Variants in TAFA2 observed in about 807,000 individuals in gnomAD.
TAFA2 encodes chemokine-like protein TAFA-2.
TAFA2 carries 7 observed loss-of-function variants against 18.8 expected under a neutral mutation model. The ratio of observed to expected loss-of-function variants is 0.37; its 90% CI spans 0.21 to 0.70. TAFA2 has a LOEUF of 0.70. Among genes scored for constraint, TAFA2 ranks in the 30% least tolerant of loss-of-function variants. The pLI, the probability that TAFA2 is intolerant of heterozygous loss-of-function variation, is 0.53. For synonymous variants in TAFA2, 60 were observed against 54.2 expected (o/e 1.11, Z -0.47); for missense variants, 122 against 158.1 (o/e 0.77, Z 1.23).
At chr12:61,970,557 A>G (rs1879212586) in intron 1 of TAFA2, among the ~76,000 whole-genome samples, 1 of 151,620 alleles carries the variant, frequency 6.6e-6, no homozygotes, top group Non-Finnish European at 1.5e-5. Context: ...TAAAAATTAA[A>G]TTGCACATCA....
chr12:62,224,053 GAATA>G (rs1490306759), intron 1 of TAFA2, among the ~76,000 whole-genome samples: 4 of 148,004 alleles, frequency 2.7e-5, no homozygotes, highest in African/African-American at 1.0e-4. Context: ...ATGGATGAAT[GAATA>G]AACAAAATGT....
intron 1 of TAFA2, among the ~76,000 whole-genome samples, chr12:62,200,563 T>C (rs1369254692): frequency 6.6e-6 from 1 of 152,202 alleles, no homozygotes; most frequent in Admixed American, 6.5e-5. Context: ...CAGATGGTTG[T>C]AGATATGCAA....
chr12:62,171,112 T>C (rs2062475136), intron 1 of TAFA2, among the ~76,000 whole-genome samples: 1 of 152,174 alleles, frequency 6.6e-6, no homozygotes, highest in South Asian at 2.1e-4. Context: ...GGTGTCACAA[T>C]TATACCCTTG....
intron 1 of TAFA2, among the ~76,000 whole-genome samples, chr12:62,005,297 T>C (rs1218902139): frequency 1.3e-5 from 2 of 152,084 alleles, no homozygotes; most frequent in African/African-American, 2.4e-5. Flanking sequence ...ATATACCATA[T>C]ATATACACAA....
intron 1 of TAFA2, among the ~76,000 whole-genome samples, chr12:61,998,534 C>G (rs1293922841): frequency 6.6e-6 from 1 of 152,082 alleles, no homozygotes; most frequent in Non-Finnish European, 1.5e-5. Flanking sequence ...TATATAAAAG[C>G]ATTTAATAGT....
intron 4 of TAFA2, chr12:61,720,961 AACAGATTATT>A: frequency 1.9e-6 from 1 of 516,776 alleles, no homozygotes; most frequent in Non-Finnish European, 3.9e-6. Flanking sequence ...TCCACTGTTT[AACAGATTATT>A]ACAGAAAGCA....
At position 62,237,122 on chromosome 12, in the gene TAFA2, G is replaced by C. The variant is rs532824137; in HGVS notation, c.-130+21641C>G. 1.5e-3 allele frequency among the ~76,000 whole-genome samples: 223 copies of C among 152,238 alleles called. 2 individuals are homozygous for C. Among genetic ancestry groups the C allele is most frequent in the African/African-American group, 5.1e-3 (212 of 41,534 alleles). On this transcript the variant is annotated intron_variant, in intron 1 of 5. Coordinates refer to the TAFA2 transcript ENST00000551619. ...TTGAGTTTATTTTCTATATCTTGCA[G>C]GCATTCTGTGTTCCTTTTTATTCTT...
At chr12:62,029,600 C>A (rs1353419580) in intron 1 of TAFA2, among the ~76,000 whole-genome samples, 1 of 89,956 alleles carries the variant, frequency 1.1e-5, no homozygotes, top group Non-Finnish European at 2.3e-5. Flanking sequence ...ACATTATAAA[C>A]AATTACTTTT....
chr12:61,949,732 A>C (rs898833075), intron 1 of TAFA2, among the ~76,000 whole-genome samples: 3 of 152,066 alleles, frequency 2.0e-5, no homozygotes. Context: ...CTCCTGGATA[A>C]TTTTTTTAAT....
At chr12:61,943,631 A>C (rs564765539) in intron 1 of TAFA2, among the ~76,000 whole-genome samples, 1 of 152,008 alleles carries the variant, frequency 6.6e-6, no homozygotes, top group Non-Finnish European at 1.5e-5. Flanking sequence ...AATGGAAAAC[A>C]AAAAAAGGCA....
chr12:62,022,091 A>C (rs1158146886), intron 1 of TAFA2: 8 of 530,742 alleles, frequency 1.5e-5, no homozygotes, highest in Non-Finnish European at 2.6e-5. Context: ...TGCAGCAGTC[A>C]GTTCCCCAAC....
chr12:62,121,783 C>T (rs940552645), intron 1 of TAFA2, among the ~76,000 whole-genome samples: 3 of 152,170 alleles, frequency 2.0e-5, no homozygotes, highest in African/African-American at 4.8e-5. Context: ...GTAGACATAA[C>T]CCCTGTTCTC....
chr12:61,951,408 A>G (rs1248948986), intron 1 of TAFA2, among the ~76,000 whole-genome samples: 2 of 152,182 alleles, frequency 1.3e-5, no homozygotes, highest in African/African-American at 4.8e-5. Flanking sequence ...TTTCTTACCC[A>G]AAAATCTTCA....
At chr12:61,944,395 C>T (rs1296657368) in intron 1 of TAFA2, among the ~76,000 whole-genome samples, 2 of 141,830 alleles carry the variant, frequency 1.4e-5, no homozygotes, top group Non-Finnish European at 3.1e-5. Flanking sequence ...ATTAAAAGAA[C>T]TAGAAAAGCA....
At chr12:61,755,150 T>C (rs939769632) in intron 2 of TAFA2, 126 bp from the exon 3 acceptor site, 3 of 766,048 alleles carry the variant, frequency 3.9e-6, no homozygotes, top group Non-Finnish European at 6.1e-6. Flanking sequence ...AAACGAGAAA[T>C]ACAATGATGC....
chr12:61,957,607 C>T (rs952005518), intron 1 of TAFA2, among the ~76,000 whole-genome samples: 3 of 151,940 alleles, frequency 2.0e-5, no homozygotes, highest in African/African-American at 7.3e-5. Context: ...ACTGAGCAGG[C>T]CAAAGACAGG....
intron 1 of TAFA2, among the ~76,000 whole-genome samples, chr12:61,961,769 T>C (rs373635507): frequency 1.3e-5 from 2 of 152,040 alleles, no homozygotes; most frequent in East Asian, 3.9e-4. Flanking sequence ...GTTTGTTTGT[T>C]TGTCCGGAGG....
intron 4 of TAFA2, among the ~76,000 whole-genome samples, chr12:61,711,362 T>C (rs1261795346): frequency 1.3e-5 from 2 of 151,842 alleles, no homozygotes; most frequent in Non-Finnish European, 2.9e-5. Flanking sequence ...AATATCTCGA[T>C]TTCTGCTGTG....
At chr12:61,750,004 C>CAT (rs1868935922) in intron 4 of TAFA2, among the ~76,000 whole-genome samples, 1 of 151,804 alleles carries the variant, frequency 6.6e-6, no homozygotes, top group African/African-American at 2.4e-5. Flanking sequence ...CACACACACA[C>CAT]ACACACACAC....
Sources: allele counts gnomAD v4.1 joint callset (sites outside exome capture counted in the v4.1 genomes callset), GRCh38; gene constraint gnomAD v4.1.1; transcripts MANE v1.5; gene names NCBI Gene and HGNC (gene_info 2026-07-23, HGNC 2026-07-21).